The following CCDC83 variants were observed in gnomAD, a reference collection of about 807,000 sequenced individuals.
CCDC83 encodes the protein coiled-coil domain-containing protein 83.
CCDC83 carries 54 observed loss-of-function variants against 50.1 expected under a neutral mutation model. The observed-to-expected ratio is 1.08, with a 90% CI of 0.87 to 1.35. The LOEUF is 1.35. CCDC83 is among the 40% of genes most tolerant of loss of function. The pLI is 0.00. For missense variants in CCDC83, 518 were observed against 473.9 expected, an observed-to-expected ratio of 1.09 and a Z score of -0.86; for synonymous variants, 161 against 153.3, an observed-to-expected ratio of 1.05 and a Z score of -0.37.
intron 3 of CCDC83, among the ~76,000 whole-genome samples, chr11:85,878,539 A>G (rs1329476487): frequency 2.0e-5 from 3 of 152,252 alleles, no homozygotes; most frequent in Non-Finnish European, 2.9e-5. Flanking sequence ...ATTGCTGACT[A>G]GCAGCATGGT....
intron 1 of CCDC83, among the ~76,000 whole-genome samples, chr11:85,863,127 A>G (rs1056296781): frequency 6.6e-6 from 1 of 152,248 alleles, no homozygotes; most frequent in Non-Finnish European, 1.5e-5. Context: ...TCTCTTCCAT[A>G]TGACTTAGAA....
chr11:85,900,768 T>C (rs547133578), intron 7 of CCDC83, among the ~76,000 whole-genome samples: 1 of 152,260 alleles, frequency 6.6e-6, no homozygotes, highest in Admixed American at 6.5e-5. Context: ...TTTGTTAGTA[T>C]ACTCAAAATA....
intron 7 of CCDC83, among the ~76,000 whole-genome samples, chr11:85,902,765 T>G (rs2093408002): frequency 6.6e-6 from 1 of 152,096 alleles, no homozygotes. Context: ...ACCCTGCCAC[T>G]TATACCAAAA....
In CCDC83 at chr11:85,886,374, T is replaced by C. The variant is rs1383679374; in HGVS notation, c.511+7T>C. On this transcript the variant is annotated splice_region_variant and intron_variant, in intron 5 of 10. Transcript: ENST00000342404. ...AATGCAGAGAAAATGTCAGGTCAGT[T>C]GCAACAAAACTAGTTCAAGTTCAGT... 1.3e-6 allele frequency: 2 copies of C among 1,574,504 alleles called. No homozygotes were observed. The highest frequency in any genetic ancestry group is 2.7e-5 in the African/African-American group (2 of 73,346).
intron 5 of CCDC83, among the ~76,000 whole-genome samples, chr11:85,889,655 A>C (rs1301203748): frequency 6.6e-6 from 1 of 152,210 alleles, no homozygotes; most frequent in African/African-American, 2.4e-5. Context: ...CTGAAGGCTT[A>C]CTACCATCAT....
chr11:85,884,866 A>C (rs1482396905), intron 4 of CCDC83, among the ~76,000 whole-genome samples: 2 of 152,188 alleles, frequency 1.3e-5, no homozygotes, highest in African/African-American at 4.8e-5. Context: ...TTATAGTAGT[A>C]CTGATAATTG....
chr11:85,916,312 C>A, intron 10 of CCDC83, 79 bp downstream of exon 10: 1 of 1,031,276 alleles, frequency 9.7e-7, no homozygotes. Context: ...AGAAAATTAA[C>A]CTAAAATATG....
At chr11:85,918,744 G>A (rs905379804) in intron 10 of CCDC83, among the ~76,000 whole-genome samples, 15 of 152,148 alleles carry the variant, frequency 9.9e-5, no homozygotes, top group Admixed American at 6.5e-4. Context: ...ATATTTAAAG[G>A]AGAAAAGTGG....
At chr11:85,876,168 C>A (rs915755873) in intron 3 of CCDC83, among the ~76,000 whole-genome samples, 2 of 152,130 alleles carry the variant, frequency 1.3e-5, no homozygotes, top group African/African-American at 4.8e-5. Context: ...TAGACCCATC[C>A]CTTAATTATC....
intron 5 of CCDC83, 34 bp from the exon 6 acceptor site, chr11:85,895,255 TTTAA>T (rs763663312): frequency 2.8e-6 from 3 of 1,064,650 alleles, no homozygotes; most frequent in South Asian, 3.1e-5. Context: ...TGATAAGGCT[TTTAA>T]TTTTCTTTTT....
intron 7 of CCDC83, among the ~76,000 whole-genome samples, chr11:85,910,458 T>A (rs2093448407): frequency 6.6e-6 from 1 of 152,246 alleles, no homozygotes; most frequent in Non-Finnish European, 1.5e-5. Flanking sequence ...CATCATTGTA[T>A]TCTAGAGGCT....
chr11:85,893,991 A>G (rs1209524927), intron 5 of CCDC83, among the ~76,000 whole-genome samples: 1 of 152,196 alleles, frequency 6.6e-6, no homozygotes, highest in Non-Finnish European at 1.5e-5. Flanking sequence ...CTTATAATGT[A>G]GAATCAGGGC....
intron 5 of CCDC83, among the ~76,000 whole-genome samples, chr11:85,890,666 A>C (rs2093347096): frequency 6.6e-6 from 1 of 152,204 alleles, no homozygotes; most frequent in African/African-American, 2.4e-5. Context: ...AGACAGTATC[A>C]GTCAAGTGAG....
At chr11:85,866,666 CA>C (rs200424940) in intron 2 of CCDC83, among the ~76,000 whole-genome samples, 13,560 of 94,054 alleles carry the variant, frequency 0.14, 720 homozygotes, top group African/African-American at 0.18. Context: ...AAAAACAAAA[CA>C]AAAAAAAAAA....
At chr11:85,912,279 C>T (rs2093458073) in intron 8 of CCDC83, among the ~76,000 whole-genome samples, 2 of 152,128 alleles carry the variant, frequency 1.3e-5, no homozygotes, top group African/African-American at 2.4e-5. Context: ...CTATTTGAGA[C>T]ATGATCATGT....
intron 7 of CCDC83, among the ~76,000 whole-genome samples, chr11:85,905,070 G>T (rs932215171): frequency 2.6e-5 from 4 of 152,160 alleles, no homozygotes; most frequent in African/African-American, 9.7e-5. Context: ...GCTGAGGCAG[G>T]CAAATCACCT....
intron 7 of CCDC83, among the ~76,000 whole-genome samples, chr11:85,905,034 T>G (rs548025222): frequency 6.6e-6 from 1 of 152,352 alleles, no homozygotes; most frequent in South Asian, 2.1e-4. Context: ...TGTTGGCTCA[T>G]GCCTGTAATC....
In CCDC83 at chr11:85,873,218, A is replaced by G. The variant is rs968985720; in HGVS notation, c.103A>G (p.Ile35Val). 1 of 1,531,516 alleles carries G rather than the reference A, an allele frequency of 6.5e-7. No homozygotes were observed. The highest frequency in any genetic ancestry group is 1.4e-5 in the African/African-American group (1 of 71,700). The allele number at this position is 1,531,516 out of a possible 1,614,324, so 94.9% of individuals were successfully genotyped here. A position where few individuals can be genotyped will look rare whatever the true frequency, so the allele number is the denominator to read the frequency against. The change falls in exon 3 of 11, where the codon ATA (isoleucine) becomes GTA (valine). Residue 35 changes from isoleucine to valine, a missense_variant. Coordinates refer to ENST00000342404, the MANE Select transcript of CCDC83 (RefSeq NM_001286159.2). The part of the protein sequence containing the change: ...SEALLDYQCQ[I>V]KEDAVEQFMF... Reference sequence around the variant, plus strand: ...ATCTTTGTTGATTCTCAGATGTCAAATAAAGGAAGATGCCGTGGAGCAATT... The same window carrying G: ...ATCTTTGTTGATTCTCAGATGTCAAGTAAAGGAAGATGCCGTGGAGCAATT...
In CCDC83 at chr11:85,919,544, T is replaced by C. The variant is rs750304559; in HGVS notation, c.*34T>C. 2.5e-4 allele frequency: 385 copies of C among 1,533,782 alleles called. No individual in the cohort carries two copies. Among genetic ancestry groups the C allele is most frequent in the Non-Finnish European group, 3.4e-4 (378 of 1,124,702 alleles). ...GCTGCAAAGGAAACACAACTTTTCCTTATAAATGTTCTTTGGGAACTGAAG... is the reference window on the plus strand; with the variant it reads ...GCTGCAAAGGAAACACAACTTTTCCCTATAAATGTTCTTTGGGAACTGAAG... On this transcript the variant is annotated 3_prime_UTR_variant, in exon 11 of 11. Coordinates refer to ENST00000342404, the MANE Select transcript of CCDC83 (RefSeq NM_001286159.2).
Sources: gnomAD v4.1 joint callset for allele counts (sites outside exome capture counted in the v4.1 genomes callset) on GRCh38, gnomAD v4.1.1 for gene constraint, MANE v1.5 for transcripts, NCBI Gene and HGNC (gene_info 2026-07-23, HGNC 2026-07-21) for gene names.